The following ARL10 variants were observed in gnomAD, a reference collection of about 807,000 sequenced individuals.
ARL10 encodes ADP-ribosylation factor-like protein 10.
In ARL10, 23 loss-of-function variants were observed where a neutral mutation model predicts 26.1. The observed-to-expected ratio is 0.88, with a 90% CI of 0.63 to 1.25. The LOEUF (loss-of-function observed/expected upper bound fraction) is 1.25. Ranked by LOEUF, ARL10 falls within the 50% of genes most tolerant of loss-of-function variation. ARL10 has a pLI of 0.00. For synonymous variants in ARL10, 138 were observed against 149.1 expected (o/e 0.93, Z 0.54); for missense variants, 300 against 323.6 (o/e 0.93, Z 0.56).
At chr5:176,401,776 C>T (rs1170797030) in exon 2 of ARL10, 1 of 456,066 alleles carries the variant, frequency 2.2e-6, no homozygotes, top group Admixed American at 2.4e-5. Context: ...GAACAATTTC[C>T]CGAGGGTGCT....
rs922663946 is a variant in ARL10 at position 176,374,869 on chromosome 5, T to G, written c.*2974T>G. 38 of 152,190 alleles carry G rather than the reference T, an allele frequency of 2.5e-4. No homozygotes were observed. Among genetic ancestry groups the G allele is most frequent in the African/African-American group, 7.7e-4 (32 of 41,446 alleles). 9.4% of individuals were successfully genotyped at this position (152,190 alleles called of 1,614,324 possible). On this transcript the variant is annotated 3_prime_UTR_variant, in exon 4 of 4. Coordinates refer to ENST00000310389, the MANE Select transcript of ARL10 (RefSeq NM_173664.6). ...AAACACATTATGTGTTCCTTTTCCC[T>G]GAGAAATATCCTTGATGTGTTTGGT...
chr5:176,413,620 T>C, the ARL10 span, among the ~76,000 whole-genome samples: 2 of 152,244 alleles, frequency 1.3e-5, no homozygotes, highest in Non-Finnish European at 2.9e-5. Context: ...AGGTACTGAC[T>C]GGCGGCCGCT....
chr5:176,398,101 T>G, intron 1 of ARL10: 1 of 1,528,410 alleles, frequency 6.5e-7, no homozygotes, highest in Non-Finnish European at 9.1e-7. Context: ...CCCCGCTGTC[T>G]CTGCTGCCCC....
chr5:176,402,318 T>G (rs1361396257), downstream of ARL10, among the ~76,000 whole-genome samples: 1 of 152,046 alleles, frequency 6.6e-6, no homozygotes, highest in African/African-American at 2.4e-5. Context: ...TAAATAAAAA[T>G]AAAATAAAAC....
intron 1 of ARL10, 27 bp from the exon 2 acceptor site, chr5:176,366,353 C>G (rs764160551): frequency 1.8e-5 from 28 of 1,589,440 alleles, no homozygotes; most frequent in Non-Finnish European, 2.4e-5. Flanking sequence ...GGCCGCCAGC[C>G]GCAACCTTAC....
downstream of ARL10, chr5:176,393,010 A>G: frequency 6.3e-7 from 1 of 1,590,576 alleles, no homozygotes; most frequent in Non-Finnish European, 8.6e-7. The surrounding 1 kb of genome is among the most constrained non-coding windows in gnomAD (Gnocchi z 4.4). Context: ...CCCTTGAGCA[A>G]GGCTGCTTTG....
Position 176,365,606 on chromosome 5 carries a change from G to C in ARL10, c.43G>C (p.Gly15Arg). 1.6e-6 allele frequency: 2 copies of C among 1,255,548 alleles called. No individual in the cohort carries two copies. The highest frequency in any genetic ancestry group is 2.0e-6 in the Non-Finnish European group (2 of 1,001,842). The allele number at this position is 1,255,548 out of a possible 1,614,324, so 77.8% of individuals were successfully genotyped here. A position where few individuals can be genotyped will look rare whatever the true frequency, so the allele number is the denominator to read the frequency against. ...PLGPLVLALG[G>R]AAAVLGSVLF... ...GGGCCCCTTGGTGCTGGCGCTGGGCGGCGCCGCGGCGGTGCTGGGCTCGGT... is the reference window on the plus strand; with the variant it reads ...GGGCCCCTTGGTGCTGGCGCTGGGCCGCGCCGCGGCGGTGCTGGGCTCGGT... Residue 15 changes from glycine (G) to arginine (R), a missense_variant, in exon 1 of 4, where the codon GGC becomes CGC. By Grantham distance (125) the Gly-to-Arg change is moderately radical. Transcript: ENST00000310389.
At chr5:176,367,556 T>TG (rs1300019215) in intron 2 of ARL10, among the ~76,000 whole-genome samples, 3 of 152,240 alleles carry the variant, frequency 2.0e-5, no homozygotes, top group African/African-American at 7.2e-5. Flanking sequence ...CCCCTCACTG[T>TG]GGTCTTTGGC....
Position 176,388,612 on chromosome 5 carries a change from C to T in ARL10, c.*114C>T, listed in dbSNP as rs951280748. The T allele has an allele frequency of 6.9e-6, 10 of 1,449,590 alleles. No individual in the cohort carries two copies. The African/African-American group carries it at 1.4e-4, about 20-fold the overall frequency. 89.8% of individuals were successfully genotyped at this position (1,449,590 alleles called of 1,614,324 possible). ...CAGACCTCGTGTAACAAACTCCTTCCGGAAGGCGTGCACAAGGCTTTGCGG... is the reference window on the plus strand; with the variant it reads ...CAGACCTCGTGTAACAAACTCCTTCTGGAAGGCGTGCACAAGGCTTTGCGG... On this transcript the variant is annotated 3_prime_UTR_variant, in exon 2 of 2. Coordinates refer to the ARL10 transcript ENST00000503175.
Position 176,380,587 on chromosome 5 carries a change from C to T in ARL10, c.*8692C>T, listed in dbSNP as rs1450372020. On this transcript the variant is annotated 3_prime_UTR_variant, in exon 4 of 4. Transcript: ENST00000310389. ...CGCCTCCCAGGTTCAAGCAATTCTC[C>T]TGCCTCAGCCTCTCAGCCTCCCGAG... 6.6e-6 allele frequency: 1 copy of T among 151,772 alleles called. No homozygotes were observed. The highest frequency in any genetic ancestry group is 1.5e-5 in the Non-Finnish European group (1 of 68,114). 9.4% of individuals were successfully genotyped at this position (151,772 alleles called of 1,614,324 possible).
chr5:176,389,182 T>A, downstream of ARL10: 1 of 1,092,156 alleles, frequency 9.2e-7, no homozygotes, highest in Non-Finnish European at 1.3e-6. Context: ...GAGGACTCTG[T>A]AACTAGGAAG....
downstream of ARL10, chr5:176,389,254 G>A: frequency 6.6e-7 from 1 of 1,508,726 alleles, no homozygotes; most frequent in Non-Finnish European, 9.0e-7. Flanking sequence ...CTTGGCTTTG[G>A]GGAAGCGAGA....
chr5:176,409,292 T>TGAAA, the ARL10 span, among the ~76,000 whole-genome samples: 5 of 69,546 alleles, frequency 7.2e-5, no homozygotes, highest in African/African-American at 3.2e-4. Flanking sequence ...TTTTTAAAAT[T>TGAAA]GAAAAAAAAA....
At chr5:176,409,406 C>CTTTTT in the ARL10 span, among the ~76,000 whole-genome samples, 4 of 79,654 alleles carry the variant, frequency 5.0e-5, no homozygotes, top group South Asian at 4.9e-4. Context: ...TCTGATTGCC[C>CTTTTT]TTTTTTTTTT....
At position 176,366,462 on chromosome 5, in the gene ARL10, G is replaced by A. The variant is rs1184212933; in HGVS notation, c.266G>A (p.Gly89Asp). The A allele has an allele frequency of 1.9e-6, 3 of 1,613,886 alleles. No individual in the cohort carries two copies. The highest frequency in any genetic ancestry group is 1.7e-4 in the Middle Eastern group (1 of 6,004). Reference sequence around the variant, plus strand: ...CTGGTGCTGGGGCTGGATGGCGCAGGCAAGAGCACGTTCCTGCGCGTGTTG... The same window carrying A: ...CTGGTGCTGGGGCTGGATGGCGCAGACAAGAGCACGTTCCTGCGCGTGTTG... ...EVLVLGLDGA[G>D]KSTFLRVLSG... Residue 89 changes from glycine (G) to aspartate (D), a missense_variant, in exon 2 of 4, where the codon GGC becomes GAC. Physicochemically the swap from Gly to Asp is moderately conservative, Grantham distance 94. Coordinates refer to ENST00000310389, the MANE Select transcript of ARL10 (RefSeq NM_173664.6).
Position 176,374,253 on chromosome 5 carries a change from T to C in ARL10, c.*2358T>C, listed in dbSNP as rs1768627107. ...CCAGACTTAATTCAGCTTCACAGTG[T>C]CCCTCATTTTGCTCAGCCCCTTAAT... On this transcript the variant is annotated 3_prime_UTR_variant, in exon 4 of 4. Transcript: ENST00000310389. 6.6e-6 allele frequency: 1 copy of C among 152,178 alleles called. No homozygotes were observed. The highest frequency in any genetic ancestry group is 6.5e-5 in the Admixed American group (1 of 15,276). 9.4% of individuals were successfully genotyped at this position (152,178 alleles called of 1,614,324 possible).
chr5:176,399,877 C>CA (rs750656977), intron 1 of ARL10, among the ~76,000 whole-genome samples: 15,374 of 108,664 alleles, frequency 0.14, 1,047 homozygotes, highest in Middle Eastern at 0.29. Context: ...GACTTGGTCT[C>CA]AAAAAAAAAA....
chr5:176,409,353 A>G, the ARL10 span, among the ~76,000 whole-genome samples: 1 of 144,322 alleles, frequency 6.9e-6, no homozygotes, highest in African/African-American at 2.5e-5. Flanking sequence ...TGCTTTTTCC[A>G]CTTAATATAT....
downstream of ARL10, among the ~76,000 whole-genome samples, chr5:176,402,598 G>C (rs1024691784): frequency 6.6e-6 from 1 of 152,178 alleles, no homozygotes; most frequent in African/African-American, 2.4e-5. Context: ...CCTGCCATGA[G>C]GGCAGAGGCT....
Sources: gnomAD v4.1 joint callset for allele counts (sites outside exome capture counted in the v4.1 genomes callset) on GRCh38, gnomAD v4.1.1 for gene constraint, Gnocchi (gnomAD v3.1) non-coding constraint, MANE v1.5 for transcripts, NCBI Gene and HGNC (gene_info 2026-07-23, HGNC 2026-07-21) for gene names.